Variants in POR observed in about 807,000 individuals in gnomAD.
POR encodes the protein NADPH--cytochrome P450 reductase.
POR carries 56 observed loss-of-function variants against 84.0 expected under a neutral mutation model. The ratio of observed to expected loss-of-function variants is 0.67; its 90% CI spans 0.54 to 0.83. The LOEUF (loss-of-function observed/expected upper bound fraction) is 0.83. Among genes scored for constraint, POR ranks in the 40% least tolerant of loss-of-function variants. The pLI is 0.00. For missense variants in POR, 938 were observed against 944.3 expected, an observed-to-expected ratio of 0.99 and a Z score of 0.09; for synonymous variants, 414 against 400.5, an observed-to-expected ratio of 1.03 and a Z score of -0.40.
intron 1 of POR, among the ~76,000 whole-genome samples, chr7:75,944,513 A>G (rs1421504512): frequency 2.0e-5 from 3 of 152,236 alleles, no homozygotes; most frequent in Admixed American, 1.3e-4. Flanking sequence ...AGCCTGGGCA[A>G]TAGAGACAGA....
intron 1 of POR, among the ~76,000 whole-genome samples, chr7:75,934,358 T>C (rs192070418): frequency 6.6e-6 from 1 of 152,252 alleles, no homozygotes; most frequent in East Asian, 1.9e-4. Context: ...CTGGGTGCTT[T>C]TACTACCCTA....
At chr7:75,950,139 G>A (rs1252578647) in intron 1 of POR, among the ~76,000 whole-genome samples, 3 of 152,074 alleles carry the variant, frequency 2.0e-5, no homozygotes, top group African/African-American at 7.2e-5. Context: ...CAAAGTGCTG[G>A]GATTACAGGC....
chr7:75,963,761 G>C (rs1788051081), intron 2 of POR, among the ~76,000 whole-genome samples: 1 of 152,138 alleles, frequency 6.6e-6, no homozygotes, highest in Non-Finnish European at 1.5e-5. Context: ...GGAGCCACAT[G>C]CTGGTAGAGC....
intron 1 of POR, among the ~76,000 whole-genome samples, chr7:75,925,712 C>G (rs1422025780): frequency 2.0e-5 from 3 of 152,152 alleles, no homozygotes; most frequent in Admixed American, 1.3e-4. Flanking sequence ...TGATGTTGGC[C>G]TAGGCCAGGG....
chr7:75,929,895 CAGT>C (rs1245851476), intron 1 of POR, among the ~76,000 whole-genome samples: 4 of 152,136 alleles, frequency 2.6e-5, no homozygotes, highest in Non-Finnish European at 5.9e-5. Flanking sequence ...TGTGGGGTGA[CAGT>C]AGCCAGCATG....
At chr7:75,951,838 T>A (rs1787434652) in intron 1 of POR, among the ~76,000 whole-genome samples, 1 of 152,258 alleles carries the variant, frequency 6.6e-6, no homozygotes, top group African/African-American at 2.4e-5. Context: ...TGTTGACTCA[T>A]GTCACGTCTG....
At chr7:75,968,663 C>T (rs1190613564) in intron 2 of POR, among the ~76,000 whole-genome samples, 12 of 152,224 alleles carry the variant, frequency 7.9e-5, no homozygotes, top group East Asian at 3.8e-4. Context: ...TTCTGTGTTG[C>T]GCCGGTGACC....
At position 75,980,466 on chromosome 7, in the gene POR, A is replaced by G; in HGVS notation, c.494A>G (p.Asp165Gly). ...GACTGGCTGCAGGAGACAGACGTGGATCTCTCTGGGGTCAAGTTCGCGGTG... is the reference window on the plus strand; with the variant it reads ...GACTGGCTGCAGGAGACAGACGTGGGTCTCTCTGGGGTCAAGTTCGCGGTG... Residue 165 changes from aspartate (D) to glycine (G), a missense_variant, in exon 5 of 16, where the codon GAT (aspartate) becomes GGT (glycine). By Grantham distance (94) the Asp-to-Gly change is moderately conservative. Transcript: ENST00000461988. 1 of 1,612,902 alleles carries G rather than the reference A, an allele frequency of 6.2e-7. No homozygotes were observed. Among genetic ancestry groups the G allele is most frequent in the African/African-American group, 1.3e-5 (1 of 74,956 alleles).
intron 2 of POR, among the ~76,000 whole-genome samples, chr7:75,964,966 G>A (rs10269299): frequency 0.4 from 60,437 of 151,920 alleles, 12,911 homozygotes; most frequent in African/African-American, 0.56. Context: ...GCAGTGAGCT[G>A]TGGTCACGCC....
At chr7:75,934,582 A>C (rs1554550571) in intron 1 of POR, among the ~76,000 whole-genome samples, 2 of 152,194 alleles carry the variant, frequency 1.3e-5, no homozygotes, top group Non-Finnish European at 2.9e-5. Context: ...CTGTGGGGAA[A>C]AAAAGGCCTT....
At chr7:75,917,172 A>G (rs1806610852) in intron 1 of POR, among the ~76,000 whole-genome samples, 1 of 151,768 alleles carries the variant, frequency 6.6e-6, no homozygotes, top group Admixed American at 6.6e-5. Context: ...GATTCAAGCA[A>G]TCCTCCCTCC....
intron 1 of POR, among the ~76,000 whole-genome samples, chr7:75,924,580 C>T (rs1807029598): frequency 6.6e-6 from 1 of 152,052 alleles, no homozygotes; most frequent in Admixed American, 6.6e-5. Context: ...TGGTGTGTAC[C>T]TGTCATCCCA....
intron 1 of POR, among the ~76,000 whole-genome samples, chr7:75,923,960 C>G (rs1554549169): frequency 6.6e-6 from 1 of 151,944 alleles, no homozygotes; most frequent in African/African-American, 2.4e-5. Context: ...CAGTCCAGTT[C>G]CAAGGAAAAA....
chr7:75,919,360 C>T (rs1364995807), intron 1 of POR, among the ~76,000 whole-genome samples: 3 of 150,194 alleles, frequency 2.0e-5, no homozygotes, highest in East Asian at 1.9e-4. Flanking sequence ...AGTGTGCACA[C>T]GCCTGTCTGC....
In POR at chr7:75,985,924, C is replaced by T. The variant is rs541657992; in HGVS notation, c.1671C>T (p.Gly557=). The change falls in exon 14 of 16, where the codon GGC becomes GGT. Residue 557 remains glycine, a splice_region_variant and synonymous_variant. Coordinates refer to ENST00000461988, the MANE Select transcript of POR (RefSeq NM_000941.3). ...CTCACCCCGGCCCCTGCCACGCAGG[C>T]AAGGAGGTGGGGGAGACGCTGCTGT... 2.0e-5 allele frequency: 32 copies of T among 1,583,072 alleles called. No homozygotes were observed. The highest frequency in any genetic ancestry group is 1.4e-4 in the Admixed American group (8 of 56,168).
intron 1 of POR, among the ~76,000 whole-genome samples, chr7:75,951,062 G>GCCC (rs782347388): frequency 1.1e-3 from 15 of 14,268 alleles, no homozygotes; most frequent in Admixed American, 1.3e-3. Context: ...CTGTCCCCCG[G>GCCC]CCCCCCCCCC....
chr7:75,920,913 T>C (rs1806825340), intron 1 of POR, among the ~76,000 whole-genome samples: 1 of 152,166 alleles, frequency 6.6e-6, no homozygotes, highest in South Asian at 2.1e-4. Context: ...CAGTTTGGCA[T>C]CAGGAATGTT....
At chr7:75,947,187 A>G (rs1787210203) in intron 1 of POR, 1 of 152,312 alleles carries the variant, frequency 6.6e-6, no homozygotes, top group South Asian at 2.1e-4. Context: ...ACCATTAAAA[A>G]TTTGCTGAGA....
intron 3 of POR, among the ~76,000 whole-genome samples, chr7:75,975,797 A>G (rs1228888336): frequency 2.7e-5 from 4 of 146,434 alleles, no homozygotes; most frequent in South Asian, 2.1e-4. Context: ...TTTGTTGAGG[A>G]AAAAAAAGCT....
Sources: allele counts gnomAD v4.1 joint callset (sites outside exome capture counted in the v4.1 genomes callset), GRCh38; gene constraint gnomAD v4.1.1; transcripts MANE v1.5; gene names NCBI Gene and HGNC (gene_info 2026-07-23, HGNC 2026-07-21).